CRACD: variants seen among roughly 807,000 people sequenced by gnomAD.
CRACD encodes capping protein-inhibiting regulator of actin dynamics.
Under a neutral mutation model 106.8 loss-of-function variants are expected in CRACD, and 56 were observed. The observed-to-expected ratio is 0.52, with a 90% CI of 0.42 to 0.66. The LOEUF is 0.66. CRACD is among the 30% of genes least tolerant of loss of function. The pLI is 0.00. For synonymous variants in CRACD, 754 were observed against 670.8 expected, an observed-to-expected ratio of 1.12 and a Z score of -1.92; for missense variants, 1,730 against 1,623.2, an observed-to-expected ratio of 1.07 and a Z score of -1.13.
intron 1 of CRACD, among the ~76,000 whole-genome samples, chr4:56,171,466 T>C (rs1000025939): frequency 6.6e-6 from 1 of 152,110 alleles, no homozygotes; most frequent in African/African-American, 2.4e-5. Context: ...CAGAGACTGG[T>C]GGGTGTCAAG....
At chr4:56,093,777 C>T (rs1405224913) in intron 1 of CRACD, among the ~76,000 whole-genome samples, 1 of 152,180 alleles carries the variant, frequency 6.6e-6, no homozygotes, top group Non-Finnish European at 1.5e-5. Flanking sequence ...ACCAGAGGCC[C>T]TTCTGGCCCA....
chr4:56,171,797 C>A (rs779592855), intron 1 of CRACD, among the ~76,000 whole-genome samples: 14 of 152,068 alleles, frequency 9.2e-5, no homozygotes, highest in Admixed American at 4.6e-4. Context: ...CAACCATATG[C>A]CTGCCTCCGT....
chr4:56,229,942 C>G (rs910786892), intron 2 of CRACD, among the ~76,000 whole-genome samples: 25 of 152,152 alleles, frequency 1.6e-4, no homozygotes, highest in African/African-American at 5.8e-4. Flanking sequence ...CAGGGTAAAA[C>G]TTTGAGCAAA....
intron 4 of CRACD, among the ~76,000 whole-genome samples, chr4:56,306,523 A>ACAAG (rs774986553): frequency 4.6e-5 from 7 of 152,072 alleles, no homozygotes; most frequent in Non-Finnish European, 7.4e-5. Flanking sequence ...AAACAAACAA[A>ACAAG]CAAACAAACA....
intron 1 of CRACD, among the ~76,000 whole-genome samples, chr4:56,106,863 T>G (rs979888228): frequency 6.6e-5 from 10 of 152,326 alleles, no homozygotes; most frequent in African/African-American, 2.4e-4. Context: ...GTTTTCATGC[T>G]AAGGCTGTAC....
chr4:56,142,575 C>T (rs2109879456), intron 1 of CRACD, among the ~76,000 whole-genome samples: 2 of 152,196 alleles, frequency 1.3e-5, no homozygotes, highest in Middle Eastern at 6.8e-3. Flanking sequence ...ATTCTACCTA[C>T]CAGTCTTTTC....
chr4:56,132,836 TC>T (rs1440197105), intron 1 of CRACD, among the ~76,000 whole-genome samples: 3 of 152,140 alleles, frequency 2.0e-5, no homozygotes, highest in Non-Finnish European at 4.4e-5. Flanking sequence ...TTTCTTTTTC[TC>T]CCCTCCCGTT....
At chr4:56,195,938 C>T (rs1012762054) in intron 2 of CRACD, among the ~76,000 whole-genome samples, 27 of 152,108 alleles carry the variant, frequency 1.8e-4, no homozygotes, top group African/African-American at 5.6e-4. Context: ...ATTTTTCTTA[C>T]GCATAGTTTA....
At chr4:56,200,974 T>C (rs1737855791) in intron 2 of CRACD, among the ~76,000 whole-genome samples, 1 of 152,192 alleles carries the variant, frequency 6.6e-6, no homozygotes, top group Non-Finnish European at 1.5e-5. Context: ...AAAATATCAT[T>C]GAGGAAGTTT....
At chr4:56,235,120 A>G (rs1022759101) in intron 2 of CRACD, among the ~76,000 whole-genome samples, 2 of 152,200 alleles carry the variant, frequency 1.3e-5, no homozygotes, top group African/African-American at 4.8e-5. Flanking sequence ...GCCTTACCCT[A>G]TATTCACATG....
At chr4:56,152,404 C>A (rs1735613557) in intron 1 of CRACD, among the ~76,000 whole-genome samples, 1 of 151,280 alleles carries the variant, frequency 6.6e-6, no homozygotes. Flanking sequence ...GAGGCTGAGT[C>A]ATGAGGATTA....
At chr4:56,124,238 A>G (rs1734586293) in intron 1 of CRACD, among the ~76,000 whole-genome samples, 1 of 152,192 alleles carries the variant, frequency 6.6e-6, no homozygotes, top group Non-Finnish European at 1.5e-5. Context: ...GTGCCCGGCC[A>G]AAATAATTTT....
At chr4:56,170,367 G>A (rs1336150455) in intron 1 of CRACD, 1 of 152,256 alleles carries the variant, frequency 6.6e-6, no homozygotes, top group Admixed American at 6.5e-5. Context: ...AAGGTCCAGG[G>A]AAAAACCAAG....
chr4:56,197,246 T>A (rs1737653979), intron 2 of CRACD, among the ~76,000 whole-genome samples: 1 of 152,066 alleles, frequency 6.6e-6, no homozygotes, highest in Non-Finnish European at 1.5e-5. Context: ...ATTGGATTTA[T>A]CACACTTTCT....
intron 10 of CRACD, among the ~76,000 whole-genome samples, chr4:56,325,124 C>G (rs921421960): frequency 5.3e-5 from 8 of 152,092 alleles, no homozygotes; most frequent in African/African-American, 1.9e-4. Flanking sequence ...TGCTTGAGCC[C>G]AGGAGTTCGA....
intron 1 of CRACD, among the ~76,000 whole-genome samples, chr4:56,082,248 G>A (rs1486499787): frequency 6.6e-6 from 1 of 152,044 alleles, no homozygotes; most frequent in Non-Finnish European, 1.5e-5. Context: ...ACAGAGGGGT[G>A]GACCATGCCC....
chr4:56,271,919 T>C (rs998960013), intron 2 of CRACD, among the ~76,000 whole-genome samples: 2 of 152,112 alleles, frequency 1.3e-5, no homozygotes, highest in Non-Finnish European at 2.9e-5. Context: ...AATTTTCTTA[T>C]ATTTTATAGA....
rs573761408 is a variant in CRACD at position 56,292,670 on chromosome 4, G to A, written c.-16-5544G>A. 3.3e-5 allele frequency among the ~76,000 whole-genome samples: 5 copies of A among 152,094 alleles called. 1 individual carries two copies. Among genetic ancestry groups the A allele is most frequent in the Admixed American group, 2.6e-4 (4 of 15,274 alleles). ...CTCCCGAGTAGCTGGGACTACAGGC[G>A]CCTGCCACCACGCCCAGCTAATTTT... On this transcript the variant is annotated intron_variant, in intron 3 of 10. Coordinates refer to ENST00000682029, the MANE Select transcript of CRACD (RefSeq NM_001393381.1).
At chr4:56,076,335 G>A (rs573908918) in intron 1 of CRACD, among the ~76,000 whole-genome samples, 1 of 152,316 alleles carries the variant, frequency 6.6e-6, no homozygotes, top group East Asian at 1.9e-4. Context: ...TGTTATGGCA[G>A]CCCTTGTAAA....
Sources: allele counts gnomAD v4.1 joint callset (sites outside exome capture counted in the v4.1 genomes callset), GRCh38; gene constraint gnomAD v4.1.1; transcripts MANE v1.5; gene names NCBI Gene and HGNC (gene_info 2026-07-23, HGNC 2026-07-21).